Variants in ZFP37 observed in about 807,000 individuals in gnomAD.
The protein encoded by ZFP37 is zinc finger protein 37 homolog.
In ZFP37, 38 loss-of-function variants were observed where a neutral mutation model predicts 52.1. The observed-to-expected ratio is 0.73, with a 90% CI of 0.56 to 0.96. The LOEUF (loss-of-function observed/expected upper bound fraction) is 0.96, where lower values mean the gene tolerates loss of function less well. Ranked by LOEUF, ZFP37 falls within the 40% of genes least tolerant of loss-of-function variation. ZFP37 has a pLI of 0.00. For synonymous variants in ZFP37, 253 were observed against 259.5 expected, an observed-to-expected ratio of 0.98 and a Z score of 0.24; for missense variants, 695 against 741.4, an observed-to-expected ratio of 0.94 and a Z score of 0.73.
Position 113,043,985 on chromosome 9 carries a change from T to A in ZFP37, c.633A>T (p.Ser211=). The change falls in exon 4 of 4, where the codon TCA becomes TCT. Residue 211 remains serine (S), a synonymous_variant. Transcript: ENST00000374227. ...TTGTATCAGATAAGCTATGGTTGAA[T>A]GACTTCTTGTGTTCTTTAGCTGCAT... ...KSDAAKEHKK[S]FNHSLSDTRK... 2 of 1,614,114 alleles carry A rather than the reference T, an allele frequency of 1.2e-6. No homozygotes were observed. Among genetic ancestry groups the A allele is most frequent in the Non-Finnish European group, 1.7e-6 (2 of 1,179,968 alleles).
At position 113,056,619 on chromosome 9, in the gene ZFP37, T is replaced by C; in HGVS notation, c.70A>G (p.Thr24Ala). Residue 24 changes from threonine (T) to alanine (A), a missense_variant, in exon 1 of 4, where the codon ACG (threonine) becomes GCG (alanine). Coordinates refer to ENST00000374227, the MANE Select transcript of ZFP37 (RefSeq NM_003408.3). ...AGTGGTCGCCCGGCCTCTTTGGTCG[T>C]TTCCGCACTTCTCCTCCGGTCCACG... ...ETVDRRRSAE[T>A]TKEAGRPLEM... is the part of the protein sequence containing the mutation. 1 of 1,614,040 alleles carries C rather than the reference T, an allele frequency of 6.2e-7. No individual in the cohort carries two copies. The highest frequency in any genetic ancestry group is 1.3e-5 in the African/African-American group (1 of 75,068).
chr9:113,046,935 C>T (rs1173699997), intron 3 of ZFP37, among the ~76,000 whole-genome samples: 1 of 151,972 alleles, frequency 6.6e-6, no homozygotes, highest in Admixed American at 6.6e-5. Context: ...GGTGAAACCC[C>T]GTCTCTACCA....
intron 1 of ZFP37, 134 bp from the exon 2 acceptor site, chr9:113,050,006 C>CTATAATA (rs1422110742): frequency 1.4e-6 from 2 of 1,386,082 alleles, no homozygotes; most frequent in African/African-American, 2.9e-5. Flanking sequence ...ACCTTGACTA[C>CTATAATA]TCACTGTTGA....
intron 3 of ZFP37, among the ~76,000 whole-genome samples, chr9:113,046,721 T>C (rs1828964391): frequency 6.6e-6 from 1 of 152,092 alleles, no homozygotes; most frequent in Non-Finnish European, 1.5e-5. Context: ...AAAACAACTG[T>C]AACTTCAGAA....
At chr9:113,054,424 C>A (rs1160996587) in intron 1 of ZFP37, among the ~76,000 whole-genome samples, 1 of 152,144 alleles carries the variant, frequency 6.6e-6, no homozygotes, top group Non-Finnish European at 1.5e-5. Flanking sequence ...GTGACCCGAG[C>A]CAATCTTAAG....
Position 113,049,417 on chromosome 9 carries a change from G to A in ZFP37, c.294C>T (p.Pro98=), listed in dbSNP as rs1328852437. 2 of 1,614,094 alleles carry A rather than the reference G, an allele frequency of 1.2e-6. No individual in the cohort carries two copies. The highest frequency in any genetic ancestry group is 2.2e-5 in the East Asian group (1 of 44,878). ...EAPWLGKGKR[P]SQGCPSKIAR... ...CTATTTTACTTGGACAACCTTGACTGGGTCTTTTCCCCTTCCCCAACCATG... is the reference window on the plus strand; with the variant it reads ...CTATTTTACTTGGACAACCTTGACTAGGTCTTTTCCCCTTCCCCAACCATG... Residue 98 remains proline (P), a synonymous_variant, in exon 3 of 4, where the codon CCC becomes CCT. Coordinates refer to ENST00000374227, the MANE Select transcript of ZFP37 (RefSeq NM_003408.3).
At chr9:113,047,361 A>C (rs1828975242) in intron 3 of ZFP37, among the ~76,000 whole-genome samples, 1 of 152,220 alleles carries the variant, frequency 6.6e-6, no homozygotes, top group African/African-American at 2.4e-5. Context: ...GGTCAAAAGA[A>C]ACTTAAAAGA....
rs1828853552 is a variant in ZFP37 at position 113,041,919 on chromosome 9, C to T, written c.*806G>A. ...CTTGCTCCTATCCTAGACCCCAGTCCTATACTCCTCTGCCCAATGGCAACC... is the reference window on the plus strand; with the variant it reads ...CTTGCTCCTATCCTAGACCCCAGTCTTATACTCCTCTGCCCAATGGCAACC... On this transcript the variant is annotated 3_prime_UTR_variant, in exon 4 of 4. Transcript: ENST00000374227. 6.6e-6 allele frequency: 1 copy of T among 152,176 alleles called. No homozygotes were observed. The highest frequency in any genetic ancestry group is 1.5e-5 in the Non-Finnish European group (1 of 68,034). The allele number at this position is 152,176 out of a possible 1,614,324, so 9.4% of individuals were successfully genotyped here. A position where few individuals can be genotyped will look rare whatever the true frequency, so the allele number is the denominator to read the frequency against.
rs201549744 is a variant in ZFP37, at chr9:113,038,620, C to T, written c.*4105G>A. 7.4e-6 allele frequency: 1 copy of T among 135,206 alleles called. No individual in the cohort carries two copies. The highest frequency in any genetic ancestry group is 1.6e-5 in the Non-Finnish European group (1 of 62,168). The allele number at this position is 135,206 out of a possible 1,614,324, so 8.4% of individuals were successfully genotyped here. ...TAACATGGCAAAACTCTGTTTCCAC[C>T]AAAAAAAAAAAAAAAAAATTAGCTT... On this transcript the variant is annotated 3_prime_UTR_variant, in exon 4 of 4. Transcript: ENST00000374227.
intron 3 of ZFP37, among the ~76,000 whole-genome samples, chr9:113,048,210 T>A (rs1364796088): frequency 6.6e-6 from 1 of 152,112 alleles, no homozygotes; most frequent in African/African-American, 2.4e-5. Flanking sequence ...ATGAATTCTG[T>A]GGGATTTGAC....
intron 1 of ZFP37, among the ~76,000 whole-genome samples, chr9:113,054,630 T>C (rs1489484730): frequency 2.0e-5 from 3 of 152,226 alleles, no homozygotes; most frequent in Non-Finnish European, 2.9e-5. Context: ...TCTAGTCTTT[T>C]CCACCATAAC....
At position 113,052,108 on chromosome 9, in the gene ZFP37, G is replaced by C. The variant is rs138154095; in HGVS notation, c.133-2236C>G. On this transcript the variant is annotated intron_variant, in intron 1 of 3. Transcript: ENST00000374227. The surrounding 1 kb of genome is among the most constrained non-coding windows in gnomAD (Gnocchi z 4.1). ...AATCACTAAACAGAATTCTCAAGCA[G>C]TGGCCTTTATAGAAACTCTAATTAC... 5.1e-3 allele frequency among the ~76,000 whole-genome samples: 783 copies of C among 152,184 alleles called. 4 individuals are homozygous for C. Among genetic ancestry groups the C allele is most frequent in the African/African-American group, 0.017 (724 of 41,514 alleles).
chr9:113,042,752 A>G lies in ZFP37; in HGVS notation c.1866T>C (p.Thr622=), dbSNP rs748835510. 3.2e-6 allele frequency: 5 copies of G among 1,576,776 alleles called. No homozygotes were observed. Among genetic ancestry groups the G allele is most frequent in the Non-Finnish European group, 4.3e-6 (5 of 1,162,710 alleles). Residue 622 remains threonine (T), a synonymous_variant, in exon 4 of 4, where the codon ACT becomes ACC. Transcript: ENST00000374227. The part of the protein sequence containing the change: ...QNASLTKHVK[T]HSEDKSHE ...ACTCATGAGATTTATCTTCTGAATG[A>G]GTTTTCACATGTTTGGTTAGGGATG...
rs781721132 is a variant in ZFP37 at position 113,044,030 on chromosome 9, G to A, written c.588C>T (p.Asn196=). The A allele has an allele frequency of 1.8e-5, 29 of 1,613,584 alleles. No individual in the cohort carries two copies. Among genetic ancestry groups the A allele is most frequent in the Non-Finnish European group, 2.5e-5 (29 of 1,179,860 alleles). Residue 196 remains asparagine (N), a synonymous_variant, in exon 4 of 4, where the codon AAC becomes AAT. Transcript: ENST00000374227. ...CTGCATCAGATTTCCTTTTTACACA[G>A]TTTCTTGAGTGATCAGGTAAATCTA... ...QNLDLPDHSR[N]CVKRKSDAAK...
intron 3 of ZFP37, among the ~76,000 whole-genome samples, chr9:113,046,539 A>G (rs1292940524): frequency 6.6e-6 from 1 of 152,112 alleles, no homozygotes; most frequent in Non-Finnish European, 1.5e-5. Context: ...CCCAACTGAT[A>G]TCTGCCGGCA....
At position 113,041,529 on chromosome 9, in the gene ZFP37, TTTCA is replaced by T. The variant is rs1443277177; in HGVS notation, c.*1192_*1195del. ...ACAGGGTGATTATTCATAAAATCAC[TTTCA>T]TTCACCTGCAATCACAATTCATCAT... On this transcript the variant is annotated 3_prime_UTR_variant, in exon 4 of 4. Coordinates refer to ENST00000374227, the MANE Select transcript of ZFP37 (RefSeq NM_003408.3). 2 of 152,194 alleles carry T rather than the reference TTTCA, an allele frequency of 1.3e-5. No individual in the cohort carries two copies. Among genetic ancestry groups the T allele is most frequent in the African/African-American group, 4.8e-5 (2 of 41,442 alleles). The allele number at this position is 152,194 out of a possible 1,614,324, so 9.4% of individuals were successfully genotyped here. A position where few individuals can be genotyped will look rare whatever the true frequency, so the allele number is the denominator to read the frequency against.
chr9:113,054,897 T>G (rs1356117005), intron 1 of ZFP37, among the ~76,000 whole-genome samples: 1 of 152,208 alleles, frequency 6.6e-6, no homozygotes, highest in Non-Finnish European at 1.5e-5. Context: ...CTCTTGCCCC[T>G]CTGCAGTCCG....
Position 113,056,692 on chromosome 9 carries a change from G to C in ZFP37, c.-4C>G. ...GGACGCCGCTGGAGACCGACATGGCGGCTACCCGGAGGGCGGCCTTAGCGG... is the reference window on the plus strand; with the variant it reads ...GGACGCCGCTGGAGACCGACATGGCCGCTACCCGGAGGGCGGCCTTAGCGG... On this transcript the variant is annotated 5_prime_UTR_variant, in exon 1 of 4. Transcript: ENST00000374227. 6.2e-7 allele frequency: 1 copy of C among 1,611,526 alleles called. No individual in the cohort carries two copies. Among genetic ancestry groups the C allele is most frequent in the Non-Finnish European group, 8.5e-7 (1 of 1,179,040 alleles).
Position 113,043,079 on chromosome 9 carries a change from A to G in ZFP37, c.1539T>C (p.Gly513=), listed in dbSNP as rs1445081436. ...ATTGATTACATTCAAAGGGACTTTC[A>G]CCTGTATGAGTTCTCATATGGTAAG... ...SLTYHMRTHT[G]ESPFECNQCG... Residue 513 remains glycine (G), a synonymous_variant, in exon 4 of 4, where the codon GGT becomes GGC. Transcript: ENST00000374227. 1 of 1,613,536 alleles carries G rather than the reference A, an allele frequency of 6.2e-7. No individual in the cohort carries two copies. The highest frequency in any genetic ancestry group is 1.7e-5 in the Admixed American group (1 of 59,958).
Sources: allele counts gnomAD v4.1 joint callset (sites outside exome capture counted in the v4.1 genomes callset), GRCh38; gene constraint gnomAD v4.1.1; non-coding constraint Gnocchi (gnomAD v3.1); transcripts MANE v1.5; gene names NCBI Gene and HGNC (gene_info 2026-07-23, HGNC 2026-07-21).